Variants in PHTF2 observed in about 807,000 individuals in gnomAD.
The protein encoded by PHTF2 is putative homeodomain transcription factor 2, also known as protein PHTF2.
In PHTF2, 60 loss-of-function variants were observed where a neutral mutation model predicts 101.2. The ratio of observed to expected loss-of-function variants is 0.59; its 90% CI spans 0.48 to 0.73. The LOEUF is 0.73. PHTF2 is among the 30% of genes least tolerant of loss of function. PHTF2 has a pLI of 0.00. For synonymous variants in PHTF2, 311 were observed against 307.3 expected (o/e 1.01, Z -0.13); for missense variants, 747 against 908.7 (o/e 0.82, Z 2.29).
chr7:77,898,136 C>T (rs988633854), intron 5 of PHTF2, among the ~76,000 whole-genome samples: 9 of 151,740 alleles, frequency 5.9e-5, no homozygotes, highest in Admixed American at 1.3e-4. Flanking sequence ...GAAATGAACC[C>T]CAAATAAACA....
intron 3 of PHTF2, among the ~76,000 whole-genome samples, chr7:77,885,103 A>G (rs954994963): frequency 6.6e-6 from 1 of 151,928 alleles, no homozygotes; most frequent in Non-Finnish European, 1.5e-5. Flanking sequence ...TGTTTTAAAG[A>G]GGTTATCTCG....
chr7:77,937,748 A>G, exon 13 of PHTF2: 1 of 1,486,446 alleles, frequency 6.7e-7, no homozygotes, highest in Non-Finnish European at 9.1e-7. Flanking sequence ...ACCCAGGATT[A>G]GAAAAAATAA....
chr7:77,809,858 C>G (rs1052239357), intron 1 of PHTF2, among the ~76,000 whole-genome samples: 10 of 152,106 alleles, frequency 6.6e-5, no homozygotes, highest in African/African-American at 2.4e-4. Context: ...AGCTTTTCTT[C>G]TGATGGAAGC....
At position 77,951,640 on chromosome 7, in the gene PHTF2, G is replaced by GA. The variant is rs1458775428; in HGVS notation, c.2145dup (p.Pro716ThrfsTer2). The GA allele has an allele frequency of 7.6e-6, 11 of 1,449,412 alleles. No homozygotes were observed. Among genetic ancestry groups the GA allele is most frequent in the East Asian group, 2.5e-5 (1 of 39,384 alleles). The allele number at this position is 1,449,412 out of a possible 1,614,324, so 89.8% of individuals were successfully genotyped here. A position where few individuals can be genotyped will look rare whatever the true frequency, so the allele number is the denominator to read the frequency against. On this transcript the variant is annotated frameshift_variant, in exon 18 of 20. Transcript: ENST00000416283. LOFTEE classifies it high-confidence loss of function. ...AGATAAACCTCTACTTGAAAATGGA[G>GA]AAAAAACCTAACAAAAAGGAGGAAC...
At chr7:77,887,124 C>A (rs1015600528) in intron 3 of PHTF2, among the ~76,000 whole-genome samples, 12 of 150,480 alleles carry the variant, frequency 8.0e-5, no homozygotes, top group African/African-American at 2.9e-4. Flanking sequence ...TGGTACTTCT[C>A]AGAGGTAATC....
chr7:77,898,701 C>A (rs1483645390), intron 5 of PHTF2, among the ~76,000 whole-genome samples: 1 of 152,132 alleles, frequency 6.6e-6, no homozygotes, highest in Non-Finnish European at 1.5e-5. Context: ...TTTAAAGACA[C>A]CTTATTTAAT....
At chr7:77,830,514 C>T (rs1316039714) in intron 1 of PHTF2, among the ~76,000 whole-genome samples, 2 of 152,076 alleles carry the variant, frequency 1.3e-5, no homozygotes, top group East Asian at 1.9e-4. Context: ...AGATCAGCAG[C>T]GGCATTAGAT....
At chr7:77,938,637 C>T (rs1327678036) in intron 13 of PHTF2, among the ~76,000 whole-genome samples, 3 of 151,962 alleles carry the variant, frequency 2.0e-5, no homozygotes, top group African/African-American at 4.8e-5. Flanking sequence ...ATTAGCCGGG[C>T]GTGGTGGCGG....
At chr7:77,837,587 T>A (rs912670526) in intron 1 of PHTF2, among the ~76,000 whole-genome samples, 1 of 152,228 alleles carries the variant, frequency 6.6e-6, no homozygotes, top group African/African-American at 2.4e-5. Flanking sequence ...AAGGTTTTTT[T>A]ATTTTAAACA....
At chr7:77,833,201 A>G (rs970500927) in intron 1 of PHTF2, among the ~76,000 whole-genome samples, 1 of 152,200 alleles carries the variant, frequency 6.6e-6, no homozygotes, top group Non-Finnish European at 1.5e-5. Flanking sequence ...GGAATTTTGG[A>G]AGTCTTGTCA....
At chr7:77,836,383 C>T (rs575808523) in intron 1 of PHTF2, among the ~76,000 whole-genome samples, 2 of 152,220 alleles carry the variant, frequency 1.3e-5, no homozygotes, top group Admixed American at 6.5e-5. Flanking sequence ...GCAGCTTACC[C>T]ACCATGTTGT....
intron 1 of PHTF2, among the ~76,000 whole-genome samples, chr7:77,800,654 TC>T (rs1203953042): frequency 6.6e-6 from 1 of 152,188 alleles, no homozygotes; most frequent in African/African-American, 2.4e-5. Context: ...TTTTGGCTGG[TC>T]CATTTAATGC....
At chr7:77,858,700 T>G (rs536172478) in intron 3 of PHTF2, among the ~76,000 whole-genome samples, 59 of 152,024 alleles carry the variant, frequency 3.9e-4, no homozygotes, top group African/African-American at 1.4e-3. Flanking sequence ...ACATATGTGT[T>G]GATTTAACAA....
chr7:77,953,849 A>C (rs896700392), exon 19 of PHTF2: 2 of 1,613,050 alleles, frequency 1.2e-6, no homozygotes, highest in African/African-American at 2.7e-5. Flanking sequence ...TTATCCTGTC[A>C]GCTGTTTCTG....
chr7:77,815,231 C>T (rs914514388), intron 1 of PHTF2, among the ~76,000 whole-genome samples: 4 of 152,088 alleles, frequency 2.6e-5, no homozygotes, highest in Admixed American at 6.5e-5. Context: ...TGGGAACATG[C>T]GTGTTGGGAA....
intron 3 of PHTF2, among the ~76,000 whole-genome samples, chr7:77,885,862 CTGTGTTTTCTTTTT>C (rs1799797747): frequency 6.6e-6 from 1 of 152,082 alleles, no homozygotes; most frequent in African/African-American, 2.4e-5. Context: ...AATTTGGGCT[CTGTGTTTTCTTTTT>C]TGTATGGCAT....
chr7:77,851,562 G>A (rs949570081), intron 2 of PHTF2, among the ~76,000 whole-genome samples: 2 of 143,938 alleles, frequency 1.4e-5, no homozygotes, highest in African/African-American at 5.1e-5. Flanking sequence ...TTGATCTTTT[G>A]TATTTTTTGG....
At chr7:77,881,840 C>A (rs900377894) in intron 3 of PHTF2, among the ~76,000 whole-genome samples, 2 of 152,216 alleles carry the variant, frequency 1.3e-5, no homozygotes, top group African/African-American at 4.8e-5. Context: ...TTGGTCCTTT[C>A]AGACCATCTT....
chr7:77,951,789 T>C lies in PHTF2; in HGVS notation c.2211+77T>C, dbSNP rs574011565. ...AATTTTATTTTTTTGTTTATAGATA[T>C]TACTTTGTATGTGGTTTTCATGATT... is the stretch of plus-strand genomic sequence containing the variant. On this transcript the variant is annotated intron_variant, in intron 18 of 19. Transcript: ENST00000416283. 81 of 644,668 alleles carry C rather than the reference T, an allele frequency of 1.3e-4. No individual in the cohort carries two copies. In the East Asian group the frequency reaches 2.4e-3, roughly 19 times the overall value. 39.9% of individuals were successfully genotyped at this position (644,668 alleles called of 1,614,324 possible). A position where few individuals can be genotyped will look rare whatever the true frequency, so the allele number is the denominator to read the frequency against.
Sources: gnomAD v4.1 joint callset for allele counts (sites outside exome capture counted in the v4.1 genomes callset) on GRCh38, gnomAD v4.1.1 for gene constraint, MANE v1.5 for transcripts, NCBI Gene and HGNC (gene_info 2026-07-23, HGNC 2026-07-21) for gene names.